SYNGR2: variants seen among roughly 807,000 people sequenced by gnomAD.
The protein encoded by SYNGR2 is synaptogyrin 2, also known as synaptogyrin-2.
SYNGR2 carries 11 observed loss-of-function variants against 18.7 expected under a neutral mutation model. The observed-to-expected ratio is 0.59, with a 90% CI of 0.37 to 0.97. SYNGR2 has a LOEUF of 0.97. SYNGR2 is among the 50% of genes least tolerant of loss of function. The pLI, the probability that SYNGR2 is intolerant of heterozygous loss-of-function variation, is 0.01. For synonymous variants in SYNGR2, 127 were observed against 131.0 expected, an observed-to-expected ratio of 0.97 and a Z score of 0.21; for missense variants, 253 against 300.7, an observed-to-expected ratio of 0.84 and a Z score of 1.17.
Position 78,172,271 on chromosome 17 carries a change from T to TC in SYNGR2, c.*341dup, listed in dbSNP as rs1293480748. ...TGTGCTACTGACAAGTGCCTCAGCT[T>TC]CCCCCCGGCCCGGGTCAGGCCGTGG... On this transcript the variant is annotated 3_prime_UTR_variant, in exon 4 of 4. Coordinates refer to ENST00000225777, the MANE Select transcript of SYNGR2 (RefSeq NM_004710.7). 8 of 517,238 alleles carry TC rather than the reference T, an allele frequency of 1.5e-5. No individual in the cohort carries two copies. Among genetic ancestry groups the TC allele is most frequent in the East Asian group, 6.1e-5 (2 of 32,940 alleles). The allele number at this position is 517,238 out of a possible 1,614,324, so 32.0% of individuals were successfully genotyped here. A position where few individuals can be genotyped will look rare whatever the true frequency, so the allele number is the denominator to read the frequency against.
rs1348671912 is a variant in SYNGR2, at chr17:78,170,839, C to T, written c.122C>T (p.Ser41Phe). 1.2e-6 allele frequency: 2 copies of T among 1,611,956 alleles called. No homozygotes were observed. Among genetic ancestry groups the T allele is most frequent in the Non-Finnish European group, 1.7e-6 (2 of 1,179,702 alleles). The change falls in exon 2 of 4, where the codon TCC becomes TTC. Residue 41 changes from serine to phenylalanine, a missense_variant. Physicochemically the swap from Ser to Phe is radical, Grantham distance 155 (BLOSUM62 -2). Transcript: ENST00000225777. ...VCLVFALIVF[S>F]CIYGEGYSNA... ...CAGGTCTTCGCCTTGATCGTGTTCT[C>T]CTGCATCTATGGTGAGGGCTACAGC... is the stretch of plus-strand genomic sequence containing the variant.
In SYNGR2 at chr17:78,172,132, G is replaced by C. The variant is rs1231792424; in HGVS notation, c.*196G>C. 2 of 1,336,538 alleles carry C rather than the reference G, an allele frequency of 1.5e-6. No individual in the cohort carries two copies. The highest frequency in any genetic ancestry group is 2.8e-5 in the Admixed American group (1 of 35,126). The allele number at this position is 1,336,538 out of a possible 1,614,324, so 82.8% of individuals were successfully genotyped here. On this transcript the variant is annotated 3_prime_UTR_variant, in exon 4 of 4. Coordinates refer to ENST00000225777, the MANE Select transcript of SYNGR2 (RefSeq NM_004710.7). Reference sequence around the variant, plus strand: ...AAGTGCCTGTGCCCAGAGGGCTTCAGTCAGCCGCTCACTCCTCCAGGGCAC... The same window carrying C: ...AAGTGCCTGTGCCCAGAGGGCTTCACTCAGCCGCTCACTCCTCCAGGGCAC...
intron 1 of SYNGR2, 74 bp downstream of exon 1, chr17:78,168,789 G>C (rs2075637066): frequency 8.7e-7 from 1 of 1,147,772 alleles, no homozygotes; most frequent in Non-Finnish European, 1.1e-6. Flanking sequence ...GGGGCCCCTA[G>C]CCCACGAGCG....
In SYNGR2 at chr17:78,171,435, G is replaced by C; in HGVS notation, c.338-75G>C. 1 of 1,495,620 alleles carries C rather than the reference G, an allele frequency of 6.7e-7. No homozygotes were observed. Among genetic ancestry groups the C allele is most frequent in the Non-Finnish European group, 8.9e-7 (1 of 1,119,686 alleles). The allele number at this position is 1,495,620 out of a possible 1,614,324, so 92.6% of individuals were successfully genotyped here. On this transcript the variant is annotated intron_variant, in intron 2 of 3. Transcript: ENST00000225777. This position sits in a 1 kb window ranked among gnomAD's most constrained non-coding sequence, Gnocchi z 6.6. ...CCCCCGGGAGGTCCCTGCCCTACCT[G>C]CCCGCGTCCCCTCCCAGAGTCCTGG... is the stretch of plus-strand genomic sequence containing the variant.
chr17:78,171,934 T>C lies in SYNGR2; in HGVS notation c.673T>C (p.Ter225ArgextTer43). The C allele has an allele frequency of 2.5e-6, 4 of 1,612,826 alleles. No individual in the cohort carries two copies. Among genetic ancestry groups the C allele is most frequent in the South Asian group, 1.1e-5 (1 of 91,082 alleles). Reference sequence around the variant, plus strand: ...GGGCTACCAGCCGCCCCCTGTGTACTGAGCGGCGGTTAGCGTGGGAAGGGG... The same window carrying C: ...GGGCTACCAGCCGCCCCCTGTGTACCGAGCGGCGGTTAGCGTGGGAAGGGG... ...TEGYQPPPVY* is the reference protein window; with the variant it reads ...TEGYQPPPVYR The change falls in exon 4 of 4, where the codon TGA (stop) becomes CGA (arginine). Residue 225 changes from the stop codon to arginine (R), a stop_lost. Coordinates refer to ENST00000225777, the MANE Select transcript of SYNGR2 (RefSeq NM_004710.7). The surrounding 1 kb of genome is among the most constrained non-coding windows in gnomAD (Gnocchi z 6.6).
rs1282604806 is a variant in SYNGR2 at position 78,171,656 on chromosome 17, T to C, written c.477+7T>C. 1.9e-6 allele frequency: 3 copies of C among 1,604,538 alleles called. No individual in the cohort carries two copies. Among genetic ancestry groups the C allele is most frequent in the South Asian group, 1.1e-5 (1 of 90,778 alleles). ...CTTTTCCATCTTCTCCTGGGTAGGA[T>C]GGCCAGGGGCCGGTTCTTGGGTCAA... On this transcript the variant is annotated splice_region_variant and intron_variant, in intron 3 of 3. Coordinates refer to ENST00000225777, the MANE Select transcript of SYNGR2 (RefSeq NM_004710.7). The surrounding 1 kb of genome is among the most constrained non-coding windows in gnomAD (Gnocchi z 6.6).
Position 78,168,706 on chromosome 17 carries a change from C to T in SYNGR2, c.90C>T (p.Ala30=). Residue 30 remains alanine (A), a synonymous_variant, in exon 1 of 4, where the codon GCC becomes GCT. Transcript: ENST00000225777. The part of the protein sequence containing the change: ...FLTQPQVVAR[A]VCLVFALIVF... ...CGCAGCCGCAGGTGGTGGCGCGCGCCGTGTGCTTGGTGAGCCCGGGGAGGG... is the reference window on the plus strand; with the variant it reads ...CGCAGCCGCAGGTGGTGGCGCGCGCTGTGTGCTTGGTGAGCCCGGGGAGGG... 2.5e-6 allele frequency: 3 copies of T among 1,200,800 alleles called. No homozygotes were observed. Among genetic ancestry groups the T allele is most frequent in the Non-Finnish European group, 1.0e-6 (1 of 967,922 alleles). 74.4% of individuals were successfully genotyped at this position (1,200,800 alleles called of 1,614,324 possible).
intron 1 of SYNGR2, among the ~76,000 whole-genome samples, chr17:78,169,423 C>T (rs2075643709): frequency 6.6e-6 from 1 of 152,166 alleles, no homozygotes; most frequent in South Asian, 2.1e-4. Context: ...CAGCTCCCAG[C>T]CAGGCTGTGG....
chr17:78,171,813 C>T lies in SYNGR2; in HGVS notation c.552C>T (p.Pro184=), dbSNP rs745320355. The T allele has an allele frequency of 1.9e-6, 3 of 1,614,132 alleles. No homozygotes were observed. The highest frequency in any genetic ancestry group is 2.5e-6 in the Non-Finnish European group (3 of 1,180,008). The stretch of plus-strand genomic sequence containing the variant: ...ACTTCATCCAGAATTACGTTGACCC[C>T]ACTCCGGACCCCAACACTGCCTACG... ...VDDFIQNYVD[P]TPDPNTAYAS... The change falls in exon 4 of 4, where the codon CCC becomes CCT. Residue 184 remains proline, a synonymous_variant. Coordinates refer to ENST00000225777, the MANE Select transcript of SYNGR2 (RefSeq NM_004710.7). The surrounding 1 kb of genome is among the most constrained non-coding windows in gnomAD (Gnocchi z 6.6).
chr17:78,169,260 GTGTGTGT>G (rs1490088225), intron 1 of SYNGR2: 893 of 52,094 alleles, frequency 0.017, 34 homozygotes, highest in African/African-American at 0.071. Flanking sequence ...CAGGTTTTGT[GTGTGTGT>G]GTGTGTGGCG....
In SYNGR2 at chr17:78,170,873, C is replaced by T. The variant is rs1168368100; in HGVS notation, c.156C>T (p.His52=). ...CIYGEGYSNA[H]ESKQMYCVFN... Reference sequence around the variant, plus strand: ...ATGGTGAGGGCTACAGCAATGCCCACGAGTCTAAGCAGATGTACTGCGTGT... The same window carrying T: ...ATGGTGAGGGCTACAGCAATGCCCATGAGTCTAAGCAGATGTACTGCGTGT... Residue 52 remains histidine (H), a synonymous_variant, in exon 2 of 4, where the codon CAC becomes CAT. Coordinates refer to ENST00000225777, the MANE Select transcript of SYNGR2 (RefSeq NM_004710.7). 10 of 1,613,322 alleles carry T rather than the reference C, an allele frequency of 6.2e-6. No homozygotes were observed. The highest frequency in any genetic ancestry group is 1.6e-4 in the Middle Eastern group (1 of 6,062).
At chr17:78,168,967 G>C (rs9908003) in intron 1 of SYNGR2, among the ~76,000 whole-genome samples, 104,233 of 151,362 alleles carry the variant, frequency 0.69, 37,300 homozygotes, top group African/African-American at 0.89. Context: ...CGGGGTGTCC[G>C]GATCTCCGCA....
At chr17:78,169,575 G>T (rs2075644868) in intron 1 of SYNGR2, 1 of 152,434 alleles carries the variant, frequency 6.6e-6, no homozygotes, top group South Asian at 2.1e-4. Flanking sequence ...GGCGGGGCCT[G>T]TGACTGCCAG....
rs970324674 is a variant in SYNGR2, at chr17:78,171,126, C to CT, written c.337+73dup. ...TCTAGGGTTCCGCAGCTGGGAGGGTCTCGGCCTCTCTGGGAGGGGCAGGGA... is the reference window on the plus strand; with the variant it reads ...TCTAGGGTTCCGCAGCTGGGAGGGTCTTCGGCCTCTCTGGGAGGGGCAGGGA... On this transcript the variant is annotated intron_variant, in intron 2 of 3. Coordinates refer to ENST00000225777, the MANE Select transcript of SYNGR2 (RefSeq NM_004710.7). This position sits in a 1 kb window ranked among gnomAD's most constrained non-coding sequence, Gnocchi z 6.6. 3 of 1,452,318 alleles carry CT rather than the reference C, an allele frequency of 2.1e-6. No individual in the cohort carries two copies. In the African/African-American group the frequency reaches 4.2e-5, roughly 20 times the overall value. 90.0% of individuals were successfully genotyped at this position (1,452,318 alleles called of 1,614,324 possible).
chr17:78,170,997 C>T lies in SYNGR2; in HGVS notation c.280C>T (p.Gln94Ter), dbSNP rs867824491. Residue 94 changes from glutamine to a stop codon, truncating the protein, a stop_gained, in exon 2 of 4, where the codon CAG (glutamine) becomes TAG (stop). Coordinates refer to ENST00000225777, the MANE Select transcript of SYNGR2 (RefSeq NM_004710.7). LOFTEE classifies it high-confidence loss of function. ...FFLVVDAYFP[Q>*]ISNATDRKYL... ...CTTGGTGGTCGACGCGTATTTCCCC[C>T]AGATCAGCAACGCCACTGACCGCAA... 3.7e-6 allele frequency: 6 copies of T among 1,604,402 alleles called. No homozygotes were observed. The highest frequency in any genetic ancestry group is 5.1e-6 in the Non-Finnish European group (6 of 1,176,434).
In SYNGR2 at chr17:78,168,935, C is replaced by T. The variant is rs1391616114; in HGVS notation, c.99+220C>T. 7.2e-5 allele frequency among the ~76,000 whole-genome samples: 11 copies of T among 152,112 alleles called. No individual in the cohort carries two copies. The South Asian group carries it at 1.7e-3, about 23-fold the overall frequency. On this transcript the variant is annotated intron_variant, in intron 1 of 3. Coordinates refer to ENST00000225777, the MANE Select transcript of SYNGR2 (RefSeq NM_004710.7). ...GTCCCGGGTCCCGCCACCCACCCCA[C>T]CCCCAGCCTCGCGCCCCGACGCGGG...
Position 78,171,728 on chromosome 17 carries a change from T to G in SYNGR2, c.478-11T>G. ...CCCACCCACCTGTACCCTGCTGTGC[T>G]CCCCCTGCAGGGTGTGCTGGCCTCC... On this transcript the variant is annotated splice_polypyrimidine_tract_variant and intron_variant, in intron 3 of 3. Coordinates refer to ENST00000225777, the MANE Select transcript of SYNGR2 (RefSeq NM_004710.7). The surrounding 1 kb of genome is among the most constrained non-coding windows in gnomAD (Gnocchi z 6.6). 6.2e-7 allele frequency: 1 copy of G among 1,613,830 alleles called. No individual in the cohort carries two copies. Among genetic ancestry groups the G allele is most frequent in the South Asian group, 1.1e-5 (1 of 91,060 alleles).
Position 78,171,185 on chromosome 17 carries a change from G to C in SYNGR2, c.337+131G>C. 1.1e-6 allele frequency: 1 copy of C among 911,794 alleles called. No homozygotes were observed. The highest frequency in any genetic ancestry group is 2.4e-5 in the Admixed American group (1 of 41,200). 56.5% of individuals were successfully genotyped at this position (911,794 alleles called of 1,614,324 possible). On this transcript the variant is annotated intron_variant, in intron 2 of 3. Transcript: ENST00000225777. The surrounding 1 kb of genome is among the most constrained non-coding windows in gnomAD (Gnocchi z 6.6). ...CTCCTCCAGGGCATTTTTAGGAAAG[G>C]GTTTTCAGCTAGTGTTTTTCCGTGC... is the stretch of plus-strand genomic sequence containing the variant.
chr17:78,170,981 C>G lies in SYNGR2; in HGVS notation c.264C>G (p.Val88=), dbSNP rs759368353. The change falls in exon 2 of 4, where the codon GTC becomes GTG. Residue 88 remains valine, a synonymous_variant. Coordinates refer to ENST00000225777, the MANE Select transcript of SYNGR2 (RefSeq NM_004710.7). ...TGGCCTCGGCCTTCTTCTTGGTGGT[C>G]GACGCGTATTTCCCCCAGATCAGCA... ...AFLASAFFLV[V]DAYFPQISNA... is the part of the protein sequence containing the mutation. 1 of 1,612,962 alleles carries G rather than the reference C, an allele frequency of 6.2e-7. No individual in the cohort carries two copies. Among genetic ancestry groups the G allele is most frequent in the Non-Finnish European group, 8.5e-7 (1 of 1,180,014 alleles).
Sources: gnomAD v4.1 joint callset for allele counts (sites outside exome capture counted in the v4.1 genomes callset) on GRCh38, gnomAD v4.1.1 for gene constraint, Gnocchi (gnomAD v3.1) non-coding constraint, MANE v1.5 for transcripts, NCBI Gene and HGNC (gene_info 2026-07-23, HGNC 2026-07-21) for gene names.